CDKAL1: variants seen among roughly 807,000 people sequenced by gnomAD.
CDKAL1 encodes CDKAL1 threonylcarbamoyladenosine tRNA methylthiotransferase, also known as threonylcarbamoyladenosine tRNA methylthiotransferase.
CDKAL1 carries 32 observed loss-of-function variants against 68.2 expected under a neutral mutation model. The observed-to-expected ratio is 0.47, with a 90% confidence interval of 0.35 to 0.63. The LOEUF (loss-of-function observed/expected upper bound fraction) is 0.63, where lower values mean the gene tolerates loss of function less well. Ranked by LOEUF, CDKAL1 falls within the 30% of genes least tolerant of loss-of-function variation. The pLI, the probability that CDKAL1 is intolerant of heterozygous loss-of-function variation, is 0.00. For missense variants in CDKAL1, 606 were observed against 696.7 expected, an observed-to-expected ratio of 0.87 and a Z score of 1.47; for synonymous variants, 234 against 244.3, an observed-to-expected ratio of 0.96 and a Z score of 0.39.
At chr6:20,864,520 T>G (rs1427131459) in intron 9 of CDKAL1, among the ~76,000 whole-genome samples, 1 of 152,124 alleles carries the variant, frequency 6.6e-6, no homozygotes, top group Non-Finnish European at 1.5e-5. Context: ...TTCTGGAACA[T>G]TAGAAGAAGC....
chr6:20,575,957 C>G (rs1443822488), intron 4 of CDKAL1, among the ~76,000 whole-genome samples: 1 of 152,124 alleles, frequency 6.6e-6, no homozygotes, highest in Non-Finnish European at 1.5e-5. Flanking sequence ...GTGTAAGGAG[C>G]AGCATTGTTC....
chr6:21,199,009 G>A (rs182038613), intron 14 of CDKAL1, among the ~76,000 whole-genome samples: 5 of 152,350 alleles, frequency 3.3e-5, no homozygotes, highest in African/African-American at 1.2e-4. Context: ...ACTGTCATGG[G>A]CGTACGGAGA....
chr6:20,553,037 T>G (rs1435016072), intron 4 of CDKAL1, among the ~76,000 whole-genome samples: 1 of 152,186 alleles, frequency 6.6e-6, no homozygotes, highest in Non-Finnish European at 1.5e-5. Flanking sequence ...AGGTATAAAA[T>G]ATACCTTATG....
intron 4 of CDKAL1, among the ~76,000 whole-genome samples, chr6:20,574,334 G>A (rs1764828332): frequency 1.3e-5 from 2 of 152,196 alleles, no homozygotes; most frequent in South Asian, 2.1e-4. Flanking sequence ...GAAAGTAAAA[G>A]GATGTAATCC....
intron 9 of CDKAL1, among the ~76,000 whole-genome samples, chr6:20,894,391 C>CCTTT: frequency 8.1e-6 from 1 of 124,076 alleles, no homozygotes; most frequent in East Asian, 2.3e-4. Flanking sequence ...ACCCCACATA[C>CCTTT]TTTTTTTTTT....
chr6:21,130,078 G>GT (rs1307246875), intron 13 of CDKAL1, among the ~76,000 whole-genome samples: 19 of 151,780 alleles, frequency 1.3e-4, no homozygotes, highest in Non-Finnish European at 2.4e-4. Context: ...GTTTTGGGGG[G>GT]TTTTTTGTCA....
At chr6:20,555,319 A>T (rs1413715969) in intron 4 of CDKAL1, among the ~76,000 whole-genome samples, 1 of 151,748 alleles carries the variant, frequency 6.6e-6, no homozygotes, top group African/African-American at 2.4e-5. Flanking sequence ...TTTTATTTTT[A>T]TTTATTTTTA....
intron 9 of CDKAL1, among the ~76,000 whole-genome samples, chr6:20,939,616 A>T (rs142804770): frequency 6.6e-6 from 1 of 152,288 alleles, no homozygotes; most frequent in East Asian, 1.9e-4. Context: ...TGCAATTACT[A>T]TAAGTACTCT....
rs921842246 is a variant in CDKAL1, at chr6:21,122,736, A to G, written c.1299+14273A>G. Among the ~76,000 whole-genome samples, 13 of 151,896 alleles carry G rather than the reference A, an allele frequency of 8.6e-5. No homozygotes were observed. In the East Asian group the frequency reaches 1.9e-3, roughly 23 times the overall value. On this transcript the variant is annotated intron_variant, in intron 13 of 15. Coordinates refer to ENST00000274695, the MANE Select transcript of CDKAL1 (RefSeq NM_017774.3). ...ACTGCAGCCTCGAACTCCTGGGTTC[A>G]AGCAATCCCCCCACATCAGCCTTCT...
intron 10 of CDKAL1, among the ~76,000 whole-genome samples, chr6:20,962,804 G>A (rs943797493): frequency 4.6e-5 from 7 of 152,158 alleles, no homozygotes; most frequent in African/African-American, 1.7e-4. Context: ...GCAAGGAAAT[G>A]GAAAGGAAAA....
chr6:21,137,196 C>A (rs770454090), intron 13 of CDKAL1, among the ~76,000 whole-genome samples: 3 of 152,160 alleles, frequency 2.0e-5, no homozygotes, highest in African/African-American at 7.2e-5. Flanking sequence ...GGAGAAAGAA[C>A]ATCATTCTCT....
At chr6:21,209,183 A>T (rs1302368204) in intron 15 of CDKAL1, among the ~76,000 whole-genome samples, 2 of 152,126 alleles carry the variant, frequency 1.3e-5, no homozygotes, top group African/African-American at 2.4e-5. Context: ...CAGCTAGAAC[A>T]CGATGAAGTT....
chr6:21,091,926 G>T (rs1197683649), intron 12 of CDKAL1, among the ~76,000 whole-genome samples: 1 of 128,542 alleles, frequency 7.8e-6, no homozygotes, highest in African/African-American at 2.9e-5. Context: ...TCGCTGTGTC[G>T]CCCAGGCTGG....
chr6:20,816,913 T>C (rs1777070184), intron 8 of CDKAL1, among the ~76,000 whole-genome samples: 1 of 152,158 alleles, frequency 6.6e-6, no homozygotes, highest in East Asian at 1.9e-4. Flanking sequence ...TGTGGCTGTG[T>C]TTAATTTAAC....
At chr6:20,914,678 A>G (rs538928444) in intron 9 of CDKAL1, among the ~76,000 whole-genome samples, 1 of 152,364 alleles carries the variant, frequency 6.6e-6, no homozygotes, top group East Asian at 1.9e-4. Context: ...GTCTTCTAAA[A>G]TGCTACTATT....
At chr6:21,164,543 G>C (rs1369360701) in intron 13 of CDKAL1, among the ~76,000 whole-genome samples, 2 of 152,166 alleles carry the variant, frequency 1.3e-5, no homozygotes, top group African/African-American at 4.8e-5. Flanking sequence ...AGCATTCCCT[G>C]TCCTGGAACT....
intron 15 of CDKAL1, among the ~76,000 whole-genome samples, chr6:21,219,476 G>A (rs1779456488): frequency 6.6e-6 from 1 of 152,146 alleles, no homozygotes; most frequent in Admixed American, 6.5e-5. Flanking sequence ...CAAATATGGA[G>A]GACCAATTGT....
At chr6:20,571,028 C>A (rs1034611204) in intron 4 of CDKAL1, among the ~76,000 whole-genome samples, 2 of 152,154 alleles carry the variant, frequency 1.3e-5, no homozygotes, top group African/African-American at 2.4e-5. Context: ...AATGTTAGCA[C>A]CCTCACTGGG....
intron 4 of CDKAL1, among the ~76,000 whole-genome samples, chr6:20,601,473 T>G (rs2127712793): frequency 6.6e-6 from 1 of 152,286 alleles, no homozygotes; most frequent in South Asian, 2.1e-4. Context: ...GTGATTAAAG[T>G]TTTGAATTTA....
Sources: gnomAD v4.1 joint callset for allele counts (sites outside exome capture counted in the v4.1 genomes callset) on GRCh38, gnomAD v4.1.1 for gene constraint, MANE v1.5 for transcripts, NCBI Gene and HGNC (gene_info 2026-07-23, HGNC 2026-07-21) for gene names.